FBXL7: variants seen among roughly 807,000 people sequenced by gnomAD.
FBXL7 encodes the protein F-box/LRR-repeat protein 7.
A neutral mutation model predicts 38.3 loss-of-function variants in FBXL7; 12 were observed. The observed-to-expected ratio is 0.31, with a 90% CI of 0.20 to 0.51. FBXL7 has a LOEUF of 0.51. FBXL7 is among the 20% of genes least tolerant of loss of function. FBXL7 has a pLI of 0.98. For missense variants in FBXL7, 567 were observed against 676.4 expected, an observed-to-expected ratio of 0.84 and a Z score of 1.79; for synonymous variants, 297 against 300.9, an observed-to-expected ratio of 0.99 and a Z score of 0.13.
chr5:15,805,451 T>C (rs1447459470), intron 2 of FBXL7, among the ~76,000 whole-genome samples: 1 of 152,236 alleles, frequency 6.6e-6, no homozygotes, highest in Non-Finnish European at 1.5e-5. Flanking sequence ...AAATATCATA[T>C]TGAAACCTAA....
intron 2 of FBXL7, among the ~76,000 whole-genome samples, chr5:15,846,384 T>G (rs1240229367): frequency 6.6e-6 from 1 of 152,204 alleles, no homozygotes; most frequent in Non-Finnish European, 1.5e-5. Flanking sequence ...GAAATATAAG[T>G]CACAAAATCT....
At chr5:15,674,385 T>A (rs1458682867) in intron 2 of FBXL7, among the ~76,000 whole-genome samples, 1 of 152,200 alleles carries the variant, frequency 6.6e-6, no homozygotes, top group African/African-American at 2.4e-5. Context: ...GACCTGACTA[T>A]TACTGATTGC....
intron 2 of FBXL7, among the ~76,000 whole-genome samples, chr5:15,763,678 G>GGTA (rs1277881496): frequency 2.0e-5 from 3 of 152,128 alleles, no homozygotes; most frequent in African/African-American, 7.2e-5. Flanking sequence ...TTCTGAGGAA[G>GGTA]GTATTTGAAC....
At chr5:15,762,365 T>TGGG (rs879891337) in intron 2 of FBXL7, among the ~76,000 whole-genome samples, 97,358 of 151,972 alleles carry the variant, frequency 0.64, 32,094 homozygotes, top group South Asian at 0.73. Context: ...TTCTGTTGGT[T>TGGG]AGAAGCACCC....
chr5:15,505,076 A>G (rs1366839802), intron 1 of FBXL7, among the ~76,000 whole-genome samples: 3 of 152,212 alleles, frequency 2.0e-5, no homozygotes, highest in African/African-American at 7.2e-5. Flanking sequence ...GTGCTGTCAG[A>G]TATGAGGAGA....
chr5:15,681,429 T>A (rs1742841883), intron 2 of FBXL7, among the ~76,000 whole-genome samples: 1 of 152,208 alleles, frequency 6.6e-6, no homozygotes, highest in Non-Finnish European at 1.5e-5. Flanking sequence ...GTTCTCAACA[T>A]ATTGAAAAGT....
chr5:15,823,345 C>T lies in FBXL7; in HGVS notation c.128-104545C>T, dbSNP rs944546992. 1.2e-4 allele frequency among the ~76,000 whole-genome samples: 19 copies of T among 152,288 alleles called. 1 individual carries two copies. Among genetic ancestry groups the T allele is most frequent in the African/African-American group, 4.6e-4 (19 of 41,564 alleles). ...TATAATCATTAGTTTGTTTCAATAA[C>T]AAATCTCTGAGCTCATCACAGTCAT... On this transcript the variant is annotated intron_variant, in intron 2 of 3. Coordinates refer to ENST00000504595, the MANE Select transcript of FBXL7 (RefSeq NM_012304.5).
At chr5:15,838,276 G>A (rs1190328172) in intron 2 of FBXL7, among the ~76,000 whole-genome samples, 1 of 152,154 alleles carries the variant, frequency 6.6e-6, no homozygotes. Flanking sequence ...AGAGGCTGGA[G>A]AACCCTAGAT....
At chr5:15,914,078 G>A (rs757864402) in intron 2 of FBXL7, among the ~76,000 whole-genome samples, 1 of 152,104 alleles carries the variant, frequency 6.6e-6, no homozygotes, top group Non-Finnish European at 1.5e-5. Flanking sequence ...TTCAGGTATC[G>A]TTGTTATTAG....
At chr5:15,924,072 G>A (rs1411709781) in intron 2 of FBXL7, among the ~76,000 whole-genome samples, 3 of 152,158 alleles carry the variant, frequency 2.0e-5, no homozygotes, top group Non-Finnish European at 4.4e-5. Context: ...TGGTTTCAGC[G>A]ATAAATCTCT....
chr5:15,778,650 G>A, intron 2 of FBXL7, among the ~76,000 whole-genome samples: 1 of 152,006 alleles, frequency 6.6e-6, no homozygotes, highest in East Asian at 1.9e-4. Flanking sequence ...ATGCTACCAA[G>A]CAGCTCATTT....
rs143107802 is a variant in FBXL7, at chr5:15,560,030, C to T, written c.38-55953C>T. Among the ~76,000 whole-genome samples the T allele has an allele frequency of 1.8e-3, 281 of 152,302 alleles. 1 individual carries two copies. Among genetic ancestry groups the T allele is most frequent in the African/African-American group, 6.5e-3 (272 of 41,572 alleles). ...TGCCTCAACACTAGCATTATAAGCA[C>T]ATTGAAGGCATCTTACAAATATTTG... On this transcript the variant is annotated intron_variant, in intron 1 of 3. Transcript: ENST00000504595.
At chr5:15,536,386 A>G (rs932158943) in intron 1 of FBXL7, among the ~76,000 whole-genome samples, 4 of 152,186 alleles carry the variant, frequency 2.6e-5, no homozygotes, top group African/African-American at 4.8e-5. Context: ...CAAGCACTCA[A>G]TGCCAGCCCA....
chr5:15,805,510 A>T (rs1464711112), intron 2 of FBXL7, among the ~76,000 whole-genome samples: 1 of 152,106 alleles, frequency 6.6e-6, no homozygotes, highest in Non-Finnish European at 1.5e-5. Context: ...TTAACCTAAG[A>T]TTTTACCTAA....
At chr5:15,504,451 A>G (rs1377652128) in intron 1 of FBXL7, among the ~76,000 whole-genome samples, 2 of 152,190 alleles carry the variant, frequency 1.3e-5, no homozygotes, top group African/African-American at 2.4e-5. Context: ...TAACTCAACC[A>G]GTCCTGAAAT....
At chr5:15,525,608 G>A (rs1459852903) in intron 1 of FBXL7, among the ~76,000 whole-genome samples, 1 of 152,218 alleles carries the variant, frequency 6.6e-6, no homozygotes, top group East Asian at 1.9e-4. Flanking sequence ...CTGTGTGTGT[G>A]TGGGGGGTGG....
chr5:15,762,558 G>A (rs1228474783), intron 2 of FBXL7, among the ~76,000 whole-genome samples: 1 of 152,090 alleles, frequency 6.6e-6, no homozygotes, highest in Non-Finnish European at 1.5e-5. Context: ...TTAGCTCTGT[G>A]ACCTCGGGTG....
intron 2 of FBXL7, among the ~76,000 whole-genome samples, chr5:15,811,748 A>G (rs1226347569): frequency 6.6e-6 from 1 of 152,216 alleles, no homozygotes; most frequent in Non-Finnish European, 1.5e-5. Flanking sequence ...GCTGATCATC[A>G]GTGATCACTA....
At chr5:15,544,447 C>A (rs1437633174) in intron 1 of FBXL7, among the ~76,000 whole-genome samples, 2 of 152,096 alleles carry the variant, frequency 1.3e-5, no homozygotes, top group Non-Finnish European at 2.9e-5. Flanking sequence ...TTTCATATGG[C>A]CATTTTGACA....
Sources: allele counts gnomAD v4.1 joint callset (sites outside exome capture counted in the v4.1 genomes callset), GRCh38; gene constraint gnomAD v4.1.1; transcripts MANE v1.5; gene names NCBI Gene and HGNC (gene_info 2026-07-23, HGNC 2026-07-21).